Variants in ERICH3 observed in about 807,000 individuals in gnomAD.
The protein encoded by ERICH3 is glutamate rich 3.
Under a neutral mutation model 131.1 loss-of-function variants are expected in ERICH3, and 126 were observed. The ratio of observed to expected loss-of-function variants is 0.96; its 90% CI spans 0.83 to 1.11. The LOEUF (loss-of-function observed/expected upper bound fraction) is 1.11. Among genes scored for constraint, ERICH3 ranks in the 50% most tolerant of loss-of-function variants. The pLI, the probability that ERICH3 is intolerant of heterozygous loss-of-function variation, is 0.00. For missense variants in ERICH3, 2,050 were observed against 1,810.7 expected (o/e 1.13, Z -2.40); for synonymous variants, 695 against 644.6 (o/e 1.08, Z -1.18).
At chr1:74,581,157 T>G in intron 12 of ERICH3, among the ~76,000 whole-genome samples, 1 of 152,210 alleles carries the variant, frequency 6.6e-6, no homozygotes, top group South Asian at 2.1e-4. Context: ...GCAGATGTTC[T>G]ACAACAAATT....
intron 1 of ERICH3, among the ~76,000 whole-genome samples, chr1:74,672,765 C>G (rs1324223874): frequency 9.5e-6 from 1 of 105,804 alleles, no homozygotes; most frequent in Non-Finnish European, 2.2e-5. Context: ...ATTCTCCCTT[C>G]CAATAAAAAA....
intron 1 of ERICH3, among the ~76,000 whole-genome samples, chr1:74,667,247 A>G (rs929080824): frequency 6.6e-6 from 1 of 152,198 alleles, no homozygotes; most frequent in African/African-American, 2.4e-5. Flanking sequence ...CCAGTTTAGA[A>G]AAAGGTGACA....
intron 10 of ERICH3, among the ~76,000 whole-genome samples, chr1:74,602,457 T>C (rs1274009322): frequency 6.6e-6 from 1 of 151,994 alleles, no homozygotes; most frequent in African/African-American, 2.4e-5. Flanking sequence ...GAGAATTTAA[T>C]TAGCTTGTTG....
At chr1:74,663,524 T>C (rs1646661414) in intron 1 of ERICH3, among the ~76,000 whole-genome samples, 1 of 151,136 alleles carries the variant, frequency 6.6e-6, no homozygotes, top group South Asian at 2.1e-4. Flanking sequence ...TACTCTCTCC[T>C]ATAGCAAGGC....
Position 74,673,689 on chromosome 1 carries a change from C to G in ERICH3, c.-170G>C. On this transcript the variant is annotated 5_prime_UTR_variant, in exon 1 of 15. Coordinates refer to ENST00000326665, the MANE Select transcript of ERICH3 (RefSeq NM_001002912.5). ...GCCGCCCCTGGGCGCCCGGGCTACC[C>G]GCAGCCTCCCGGGCTCCCACCCTCC... 1 of 520,296 alleles carries G rather than the reference C, an allele frequency of 1.9e-6. No individual in the cohort carries two copies. Among genetic ancestry groups the G allele is most frequent in the Non-Finnish European group, 3.2e-6 (1 of 316,254 alleles). 32.2% of individuals were successfully genotyped at this position (520,296 alleles called of 1,614,324 possible).
At chr1:74,669,127 A>T (rs1646718568) in intron 1 of ERICH3, among the ~76,000 whole-genome samples, 1 of 152,164 alleles carries the variant, frequency 6.6e-6, no homozygotes, top group African/African-American at 2.4e-5. Flanking sequence ...GCCTTCGATG[A>T]AAAACGACTG....
rs1343593905 is a variant in ERICH3, at chr1:74,569,871, T to C, written c.*587A>G. On this transcript the variant is annotated 3_prime_UTR_variant, in exon 15 of 15. Transcript: ENST00000326665. ...AATTAAAAGAATGAATATTTCTAAG[T>C]ATAAGTGAATATACATGCCAAGAAA... 6.6e-6 allele frequency: 1 copy of C among 152,216 alleles called. No individual in the cohort carries two copies. The highest frequency in any genetic ancestry group is 1.5e-5 in the Non-Finnish European group (1 of 68,032). 9.4% of individuals were successfully genotyped at this position (152,216 alleles called of 1,614,324 possible).
At chr1:74,617,222 T>C (rs758802199) in intron 8 of ERICH3, among the ~76,000 whole-genome samples, 2 of 145,064 alleles carry the variant, frequency 1.4e-5, no homozygotes, top group Admixed American at 6.8e-5. Context: ...TAACCTTTGA[T>C]AGGGAAAAGT....
intron 1 of ERICH3, among the ~76,000 whole-genome samples, chr1:74,669,707 AACCATTTTTATTT>A (rs1646724344): frequency 6.6e-6 from 1 of 152,218 alleles, no homozygotes; most frequent in Admixed American, 6.5e-5. Flanking sequence ...AAGTTTTAAA[AACCATTTTTATTT>A]ACTCCTAACT....
At chr1:74,625,225 C>T (rs979384055) in intron 7 of ERICH3, 2 of 151,906 alleles carry the variant, frequency 1.3e-5, no homozygotes, top group Non-Finnish European at 2.9e-5. Flanking sequence ...TTTTTAAAAA[C>T]CCACATTTTA....
chr1:74,648,106 G>T (rs1646501058), intron 2 of ERICH3, among the ~76,000 whole-genome samples: 4 of 152,100 alleles, frequency 2.6e-5, no homozygotes, highest in Admixed American at 2.6e-4. Flanking sequence ...CCTGAACACT[G>T]CTAGCTGAGA....
chr1:74,571,027 C>G, intron 14 of ERICH3, 72 bp downstream of exon 14: 6 of 1,516,130 alleles, frequency 4.0e-6, no homozygotes, highest in Non-Finnish European at 5.3e-6. Flanking sequence ...AAGGGACAAG[C>G]CAGCCCCAAG....
At chr1:74,671,345 T>G (rs1646741360) in intron 1 of ERICH3, among the ~76,000 whole-genome samples, 1 of 152,172 alleles carries the variant, frequency 6.6e-6, no homozygotes, top group Non-Finnish European at 1.5e-5. Flanking sequence ...TGATCTTTGT[T>G]CTGCTTTTTG....
At chr1:74,624,491 TG>T (rs1323750765) in intron 7 of ERICH3, 1 of 152,344 alleles carries the variant, frequency 6.6e-6, no homozygotes, top group East Asian at 1.9e-4. Flanking sequence ...CCTCCCAGTT[TG>T]CTTTTAGTAT....
intron 12 of ERICH3, among the ~76,000 whole-genome samples, chr1:74,583,612 A>T (rs1647218748): frequency 6.6e-6 from 1 of 152,096 alleles, no homozygotes; most frequent in Non-Finnish European, 1.5e-5. Context: ...TTTTCTAGCC[A>T]ATAGTGTCTG....
intron 12 of ERICH3, among the ~76,000 whole-genome samples, chr1:74,582,044 T>C (rs557746416): frequency 2.0e-5 from 3 of 152,182 alleles, no homozygotes; most frequent in Non-Finnish European, 4.4e-5. Context: ...TTCTTTGTTA[T>C]GGAAGTGCCT....
At chr1:74,646,045 T>A (rs962747698) in intron 3 of ERICH3, among the ~76,000 whole-genome samples, 3 of 151,966 alleles carry the variant, frequency 2.0e-5, no homozygotes, top group Non-Finnish European at 4.4e-5. Context: ...CTGAAATAAT[T>A]TATCAAATTA....
chr1:74,606,397 C>A (rs561936402), intron 10 of ERICH3, among the ~76,000 whole-genome samples: 28 of 151,844 alleles, frequency 1.8e-4, no homozygotes, highest in Non-Finnish European at 4.0e-4. Flanking sequence ...AACCTTTAAC[C>A]TTTCTGGGGC....
intron 1 of ERICH3, among the ~76,000 whole-genome samples, chr1:74,651,511 T>C (rs1646534594): frequency 6.6e-6 from 1 of 152,124 alleles, no homozygotes; most frequent in East Asian, 1.9e-4. Context: ...GTTTCCTGTC[T>C]CCAAAAGGTC....
Sources: allele counts gnomAD v4.1 joint callset (sites outside exome capture counted in the v4.1 genomes callset), GRCh38; gene constraint gnomAD v4.1.1; transcripts MANE v1.5; gene names NCBI Gene and HGNC (gene_info 2026-07-23, HGNC 2026-07-21).